Variants in GAB2 observed in about 807,000 individuals in gnomAD.
GAB2 encodes GRB2 associated binding protein 2, also known as GRB2-associated-binding protein 2.
GAB2 carries 26 observed loss-of-function variants against 65.5 expected under a neutral mutation model. That is an observed-to-expected ratio of 0.40 (90% CI 0.29 to 0.55). The LOEUF (loss-of-function observed/expected upper bound fraction) is 0.55. GAB2 is among the 20% of genes least tolerant of loss of function. The probability of loss-of-function intolerance (pLI) is 0.53; values close to 1 mark genes in which losing one functional copy is unlikely to be tolerated. For synonymous variants in GAB2, 321 were observed against 329.6 expected, an observed-to-expected ratio of 0.97 and a Z score of 0.28; for missense variants, 884 against 875.8, an observed-to-expected ratio of 1.01 and a Z score of -0.12.
chr11:78,309,841 A>G (rs932347609), intron 1 of GAB2, among the ~76,000 whole-genome samples: 2 of 152,054 alleles, frequency 1.3e-5, no homozygotes, highest in African/African-American at 4.8e-5. Context: ...GTCAACAGAG[A>G]GAGATCAAGG....
rs58668713 is a variant in GAB2 at position 78,370,712 on chromosome 11, C to CCTGTGTGTATGTGTGTGTGTGT, written c.75+46933_75+46934insACACACACACACATACACACAG. 7.9e-3 allele frequency among the ~76,000 whole-genome samples: 978 copies of CCTGTGTGTATGTGTGTGTGTGT among 123,198 alleles called. 11 individuals are homozygous for CCTGTGTGTATGTGTGTGTGTGT. The highest frequency in any genetic ancestry group is 0.027 in the African/African-American group (918 of 34,562). The allele number at this position is 123,198 out of a possible 152,430, so 80.8% of individuals were successfully genotyped here. A position where few individuals can be genotyped will look rare whatever the true frequency, so the allele number is the denominator to read the frequency against. On this transcript the variant is annotated intron_variant, in intron 1 of 9. Transcript: ENST00000361507. ...ACTACTAATATTGTATGTGTGTGTG[C>CCTGTGTGTATGTGTGTGTGTGT]GTGTGTGTGTGTATGTGTGTGTGTG...
chr11:78,248,799 T>C (rs1235876794), intron 3 of GAB2, among the ~76,000 whole-genome samples: 1 of 152,224 alleles, frequency 6.6e-6, no homozygotes, highest in Admixed American at 6.5e-5. Context: ...TGAACCCATA[T>C]CCGACTGACT....
intron 1 of GAB2, among the ~76,000 whole-genome samples, chr11:78,394,672 C>A (rs1856873849): frequency 6.6e-6 from 1 of 152,180 alleles, no homozygotes; most frequent in Non-Finnish European, 1.5e-5. Context: ...CTGCTGTTAC[C>A]CCACTGTTTG....
chr11:78,326,157 T>C (rs1437923430), intron 1 of GAB2, among the ~76,000 whole-genome samples: 1 of 152,258 alleles, frequency 6.6e-6, no homozygotes, highest in African/African-American at 2.4e-5. Context: ...ATTCCACTTA[T>C]ATCTTGGAGC....
chr11:78,298,838 G>A (rs2134620578), intron 1 of GAB2, among the ~76,000 whole-genome samples: 1 of 152,286 alleles, frequency 6.6e-6, no homozygotes, highest in African/African-American at 2.4e-5. Flanking sequence ...CTGGGACAAA[G>A]GCTTCTCTCT....
chr11:78,402,539 C>T (rs1341239773), intron 1 of GAB2, among the ~76,000 whole-genome samples: 4 of 151,862 alleles, frequency 2.6e-5, no homozygotes, highest in Non-Finnish European at 5.9e-5. Context: ...AAGCAATTCT[C>T]CGGCCTCAGC....
At chr11:78,373,514 A>G (rs963038285) in intron 1 of GAB2, among the ~76,000 whole-genome samples, 1 of 152,166 alleles carries the variant, frequency 6.6e-6, no homozygotes, top group Non-Finnish European at 1.5e-5. Context: ...CTGGGATTAC[A>G]GGCGTGAGCC....
In GAB2 at chr11:78,231,336, G is replaced by GGTGTGTGTGTGTGTGTGTGT. The variant is rs58651538; in HGVS notation, c.621-4305_621-4286dup. 2.2e-3 allele frequency among the ~76,000 whole-genome samples: 327 copies of GGTGTGTGTGTGTGTGTGTGT among 145,888 alleles called. 1 individual carries two copies. The highest frequency in any genetic ancestry group is 0.01 in the Middle Eastern group (3 of 286). ...CCTTGGTGCGCGCGCGCGCGTGTGT[G>GGTGTGTGTGTGTGTGTGTGT]GTGTGTGTGTGTGTGTGTGTGTGTG... On this transcript the variant is annotated intron_variant, in intron 3 of 9. Transcript: ENST00000361507.
intron 2 of GAB2, among the ~76,000 whole-genome samples, chr11:78,260,712 T>C (rs1205830233): frequency 6.6e-6 from 1 of 152,218 alleles, no homozygotes; most frequent in Non-Finnish European, 1.5e-5. Context: ...CCTCAGGTGA[T>C]CTGCCCGCCT....
At chr11:78,360,821 T>C (rs1856424974) in intron 1 of GAB2, among the ~76,000 whole-genome samples, 1 of 152,120 alleles carries the variant, frequency 6.6e-6, no homozygotes, top group African/African-American at 2.4e-5. Flanking sequence ...ATCTTGTCAC[T>C]GCAGTCCAAC....
chr11:78,244,272 G>C (rs919986349), intron 3 of GAB2, among the ~76,000 whole-genome samples: 4 of 151,950 alleles, frequency 2.6e-5, no homozygotes, highest in Admixed American at 6.6e-5. Flanking sequence ...CATGACTGTG[G>C]TTCCAGCTGC....
chr11:78,276,218 T>G (rs564888299), intron 2 of GAB2, among the ~76,000 whole-genome samples: 2 of 152,122 alleles, frequency 1.3e-5, no homozygotes, highest in East Asian at 3.9e-4. Flanking sequence ...GAACGCTGCT[T>G]GAGCCCAGGA....
chr11:78,368,111 C>G (rs1362498812), intron 1 of GAB2, among the ~76,000 whole-genome samples: 1 of 152,126 alleles, frequency 6.6e-6, no homozygotes. Flanking sequence ...CCACTGCGCC[C>G]GGCTGTCAGT....
intron 1 of GAB2, among the ~76,000 whole-genome samples, chr11:78,375,690 G>A (rs566794863): frequency 2.6e-5 from 4 of 152,236 alleles, no homozygotes; most frequent in South Asian, 2.1e-4. Context: ...GAAAAGGCCC[G>A]AACACCTCAA....
intron 1 of GAB2, among the ~76,000 whole-genome samples, chr11:78,286,953 T>C (rs1385060882): frequency 6.6e-6 from 1 of 152,204 alleles, no homozygotes; most frequent in Non-Finnish European, 1.5e-5. Flanking sequence ...CTAACGTCTA[T>C]ATAAAATCTC....
intron 1 of GAB2, among the ~76,000 whole-genome samples, chr11:78,339,755 C>T (rs1013632880): frequency 3.3e-5 from 5 of 152,184 alleles, no homozygotes; most frequent in African/African-American, 1.2e-4. Context: ...CTGCCTCAAC[C>T]AATTAGCTAA....
chr11:78,269,462 T>C (rs1865955771), intron 2 of GAB2, among the ~76,000 whole-genome samples: 1 of 152,170 alleles, frequency 6.6e-6, no homozygotes, highest in Non-Finnish European at 1.5e-5. Flanking sequence ...AGAATGAATC[T>C]GAATGGACTA....
intron 1 of GAB2, among the ~76,000 whole-genome samples, chr11:78,385,419 A>T (rs886811887): frequency 6.6e-6 from 1 of 152,222 alleles, no homozygotes; most frequent in Admixed American, 6.5e-5. Flanking sequence ...GTTTAGATGG[A>T]GTTCAGGTCT....
chr11:78,262,685 C>T (rs1865765836), intron 2 of GAB2, among the ~76,000 whole-genome samples: 1 of 152,212 alleles, frequency 6.6e-6, no homozygotes, highest in Non-Finnish European at 1.5e-5. Context: ...ACTCATCTCC[C>T]AGACTTGTGT....
Sources: gnomAD v4.1 joint callset for allele counts (sites outside exome capture counted in the v4.1 genomes callset) on GRCh38, gnomAD v4.1.1 for gene constraint, MANE v1.5 for transcripts, NCBI Gene and HGNC (gene_info 2026-07-23, HGNC 2026-07-21) for gene names.